The following GPC2 variants were observed in gnomAD, a reference collection of about 807,000 sequenced individuals.
GPC2 encodes the protein glypican-2.
Under a neutral mutation model 57.3 loss-of-function variants are expected in GPC2, and 42 were observed. The ratio of observed to expected loss-of-function variants is 0.73; its 90% confidence interval spans 0.57 to 0.95. The LOEUF (loss-of-function observed/expected upper bound fraction) is 0.95. Ranked by LOEUF, GPC2 falls within the 40% of genes least tolerant of loss-of-function variation. The pLI, the probability that GPC2 is intolerant of heterozygous loss-of-function variation, is 0.00. For missense variants in GPC2, 745 were observed against 793.6 expected, an observed-to-expected ratio of 0.94 and a Z score of 0.74; for synonymous variants, 364 against 343.4, an observed-to-expected ratio of 1.06 and a Z score of -0.66.
In GPC2 at chr7:100,171,384, CG is replaced by C. The variant is rs1199454827; in HGVS notation, c.1362del (p.Glu455SerfsTer27). Reference protein sequence around the residue: ...GGSPAEQVNNPELKVDASGPD... With the variant: ...GGSPAEQVNNXELKVDASGPD... ...GGGCCCGAGGCGTCCACCTTGAGCTCGGGGTTGTTGACCTGCTCGGCCGGGG... is the reference window on the plus strand; with the variant it reads ...GGGCCCGAGGCGTCCACCTTGAGCTCGGGTTGTTGACCTGCTCGGCCGGGG... On this transcript the variant is annotated frameshift_variant, in exon 9 of 10. Transcript: ENST00000292377. LOFTEE classifies it high-confidence loss of function. This position sits in a 1 kb window ranked among gnomAD's most constrained non-coding sequence, Gnocchi z 4.8. 1 of 1,535,210 alleles carries C rather than the reference CG, an allele frequency of 6.5e-7. No homozygotes were observed. Among genetic ancestry groups the C allele is most frequent in the Non-Finnish European group, 8.8e-7 (1 of 1,141,774 alleles).
At position 100,177,299 on chromosome 7, in the gene GPC2, G is replaced by C. The variant is rs1215025873; in HGVS notation, c.-100C>G. 2 of 1,027,916 alleles carry C rather than the reference G, an allele frequency of 1.9e-6. No homozygotes were observed. Among genetic ancestry groups the C allele is most frequent in the Non-Finnish European group, 1.4e-6 (1 of 725,076 alleles). The allele number at this position is 1,027,916 out of a possible 1,614,324, so 63.7% of individuals were successfully genotyped here. ...ACTCGGCCGCGGGACCGCTCCGCGG[G>C]CCAGAGAAAGAGCGCTGCTCCGGAA... On this transcript the variant is annotated 5_prime_UTR_variant, in exon 1 of 10. Coordinates refer to ENST00000292377, the MANE Select transcript of GPC2 (RefSeq NM_152742.3).
chr7:100,172,228 G>A lies in GPC2; in HGVS notation c.893-11C>T, dbSNP rs1799192029. The A allele has an allele frequency of 6.2e-7, 1 of 1,613,540 alleles. No homozygotes were observed. The highest frequency in any genetic ancestry group is 8.5e-7 in the Non-Finnish European group (1 of 1,179,810). On this transcript the variant is annotated splice_polypyrimidine_tract_variant and intron_variant, in intron 5 of 9. Transcript: ENST00000292377. ...GGATCAGGAGACCATCTTAAGGGAG[G>A]GAGAGAAAGAGAAAGGATGGGATGA...
intron 2 of GPC2, 85 bp from the exon 3 acceptor site, chr7:100,175,979 G>T: frequency 8.7e-7 from 1 of 1,145,248 alleles, no homozygotes. Flanking sequence ...AGGAGGAGAT[G>T]GGAGAGAAGA....
At position 100,171,755 on chromosome 7, in the gene GPC2, C is replaced by A; in HGVS notation, c.1170+24G>T. 1 of 1,521,154 alleles carries A rather than the reference C, an allele frequency of 6.6e-7. No individual in the cohort carries two copies. The highest frequency in any genetic ancestry group is 2.6e-5 in the East Asian group (1 of 39,024). 94.2% of individuals were successfully genotyped at this position (1,521,154 alleles called of 1,614,324 possible). ...TCCCCGGCCCCGGGCCCCCCCGCCCCCAACTCTTGGTCATCCCACGCACCA... is the reference window on the plus strand; with the variant it reads ...TCCCCGGCCCCGGGCCCCCCCGCCCACAACTCTTGGTCATCCCACGCACCA... On this transcript the variant is annotated intron_variant, in intron 7 of 9. Transcript: ENST00000292377. This position sits in a 1 kb window ranked among gnomAD's most constrained non-coding sequence, Gnocchi z 4.8.
chr7:100,172,249 G>T (rs757070228), intron 5 of GPC2, 32 bp from the exon 6 acceptor site: 264 of 1,609,080 alleles, frequency 1.6e-4, no homozygotes, highest in Non-Finnish European at 2.2e-4. Flanking sequence ...GAAAGGATGG[G>T]ATGAGTGGTG....
Position 100,175,809 on chromosome 7 carries a change from G to A in GPC2, c.411C>T (p.His137=), listed in dbSNP as rs149507023. ...AGAACAGGCCATTGAATATGAGGGC[G>A]TGCTGGGCATACAGGCGGCCGTAGG... ...SHSYGRLYAQ[H]ALIFNGLFSR... is the part of the protein sequence containing the mutation. The change falls in exon 3 of 10, where the codon CAC becomes CAT. Residue 137 remains histidine (H), a synonymous_variant. Transcript: ENST00000292377. 1.3e-4 allele frequency: 202 copies of A among 1,614,034 alleles called. No homozygotes were observed. In the African/African-American group the frequency reaches 1.9e-3, roughly 16 times the overall value.
At position 100,173,929 on chromosome 7, in the gene GPC2, G is replaced by C; in HGVS notation, c.798C>G (p.Val266=). 6.2e-7 allele frequency: 1 copy of C among 1,604,942 alleles called. No homozygotes were observed. The highest frequency in any genetic ancestry group is 1.7e-5 in the Admixed American group (1 of 59,044). The change falls in exon 5 of 10, where the codon GTC becomes GTG. Residue 266 remains valine (V), a synonymous_variant. Transcript: ENST00000292377. Reference sequence around the variant, plus strand: ...AGCCCTGGCAGGGCATAAGTGAGGGGACCCCCCGGCACAGGGGACAGCCGA... The same window carrying C: ...AGCCCTGGCAGGGCATAAGTGAGGGCACCCCCCGGCACAGGGGACAGCCGA... ...RLIGCPLCRG[V]PSLMPCQGFC... is the part of the protein sequence containing the mutation.
rs1006717280 is a variant in GPC2 at position 100,176,427 on chromosome 7, C to G, written c.167-62G>C. 3 of 1,504,840 alleles carry G rather than the reference C, an allele frequency of 2.0e-6. No homozygotes were observed. In the Admixed American group the frequency reaches 5.4e-5, roughly 27 times the overall value. The allele number at this position is 1,504,840 out of a possible 1,614,324, so 93.2% of individuals were successfully genotyped here. ...ATATCCTAAAATCCCTTCCATTTCCCGCCTATCTCTGGGGACTATGCCTTC... is the reference window on the plus strand; with the variant it reads ...ATATCCTAAAATCCCTTCCATTTCCGGCCTATCTCTGGGGACTATGCCTTC... On this transcript the variant is annotated intron_variant, in intron 1 of 9. Transcript: ENST00000292377.
In GPC2 at chr7:100,171,809, C is replaced by T; in HGVS notation, c.1140G>A (p.Thr380=). The part of the protein sequence containing the change: ...WSMVTEEERP[T]TAAGTNLHRL... ...GGTGCAGGTTGGTGCCTGCGGCCGT[C>T]GTGGGCCGCTCCTCCTCGGTCACCA... The change falls in exon 7 of 10, where the codon ACG becomes ACA. Residue 380 remains threonine (T), a synonymous_variant. Coordinates refer to ENST00000292377, the MANE Select transcript of GPC2 (RefSeq NM_152742.3). The surrounding 1 kb of genome is among the most constrained non-coding windows in gnomAD (Gnocchi z 4.8). The T allele has an allele frequency of 3.2e-6, 5 of 1,575,510 alleles. No individual in the cohort carries two copies. Among genetic ancestry groups the T allele is most frequent in the Non-Finnish European group, 4.3e-6 (5 of 1,169,496 alleles).
chr7:100,171,861 C>G lies in GPC2; in HGVS notation c.1088G>C (p.Arg363Pro), dbSNP rs776341060. Residue 363 changes from arginine (R) to proline (P), a missense_variant, in exon 7 of 10, where the codon CGG becomes CCG. By Grantham distance (103) the Arg-to-Pro change is moderately radical. Coordinates refer to ENST00000292377, the MANE Select transcript of GPC2 (RefSeq NM_152742.3). The surrounding 1 kb of genome is among the most constrained non-coding windows in gnomAD (Gnocchi z 4.8). ...PARNRRAPPP[R>P]EEAGRLWSMV... is the part of the protein sequence containing the mutation. Reference sequence around the variant, plus strand: ...CGACCACAGCCGGCCCGCCTCTTCCCGGGGCGGCGGGGCTCGACGGTTGCG... The same window carrying G: ...CGACCACAGCCGGCCCGCCTCTTCCGGGGGCGGCGGGGCTCGACGGTTGCG... 4.6e-5 allele frequency: 71 copies of G among 1,536,272 alleles called. 1 individual carries two copies. The East Asian group carries it at 1.1e-3, about 25-fold the overall frequency.
chr7:100,174,608 T>C, intron 4 of GPC2, 77 bp downstream of exon 4: 1 of 1,059,288 alleles, frequency 9.4e-7, no homozygotes, highest in Non-Finnish European at 1.5e-6. Flanking sequence ...GGCTGGTGGC[T>C]GTTTCTTCCT....
At chr7:100,174,530 C>T in intron 4 of GPC2, 155 bp downstream of exon 4, 1 of 706,000 alleles carries the variant, frequency 1.4e-6, no homozygotes, top group Non-Finnish European at 2.6e-6. Context: ...CACTCCAGCC[C>T]CCTCCTTCCT....
chr7:100,171,080 AC>A lies in GPC2; in HGVS notation c.1486+180del. 2 of 549,776 alleles carry A rather than the reference AC, an allele frequency of 3.6e-6. No homozygotes were observed. The highest frequency in any genetic ancestry group is 6.2e-6 in the Non-Finnish European group (2 of 324,312). The allele number at this position is 549,776 out of a possible 1,614,324, so 34.1% of individuals were successfully genotyped here. On this transcript the variant is annotated intron_variant, in intron 9 of 9. Coordinates refer to ENST00000292377, the MANE Select transcript of GPC2 (RefSeq NM_152742.3). This position sits in a 1 kb window ranked among gnomAD's most constrained non-coding sequence, Gnocchi z 4.8. ...CCCCTACTGGCCTGAAAGGATACAGACCCCCTCATTGATCTGTTACCCCCAG... is the reference window on the plus strand; with the variant it reads ...CCCCTACTGGCCTGAAAGGATACAGACCCCTCATTGATCTGTTACCCCCAG...
rs1021825264 is a variant in GPC2, at chr7:100,177,361, A to G, written c.-162T>C. 6 of 580,738 alleles carry G rather than the reference A, an allele frequency of 1.0e-5. No individual in the cohort carries two copies. The South Asian group carries it at 1.2e-4, about 12-fold the overall frequency. The allele number at this position is 580,738 out of a possible 1,614,324, so 36.0% of individuals were successfully genotyped here. ...GAGCACGATAGCTGGACCAGGCGGC[A>G]TCTGCCGAGACAATGGGAGCGGGGA... On this transcript the variant is annotated 5_prime_UTR_variant, in exon 1 of 10. It removes an upstream start codon present in the reference 5' UTR. Coordinates refer to ENST00000292377, the MANE Select transcript of GPC2 (RefSeq NM_152742.3).
intron 4 of GPC2, chr7:100,174,241 T>C: frequency 1.9e-6 from 1 of 518,386 alleles, no homozygotes; most frequent in Non-Finnish European, 3.4e-6. Context: ...AGGACAAGAG[T>C]GAGCCCATCA....
rs1215025873 is a variant in GPC2, at chr7:100,177,299, G to A, written c.-100C>T. On this transcript the variant is annotated 5_prime_UTR_variant, in exon 1 of 10. Coordinates refer to ENST00000292377, the MANE Select transcript of GPC2 (RefSeq NM_152742.3). ...ACTCGGCCGCGGGACCGCTCCGCGGGCCAGAGAAAGAGCGCTGCTCCGGAA... is the reference window on the plus strand; with the variant it reads ...ACTCGGCCGCGGGACCGCTCCGCGGACCAGAGAAAGAGCGCTGCTCCGGAA... 5 of 1,028,040 alleles carry A rather than the reference G, an allele frequency of 4.9e-6. No individual in the cohort carries two copies. In the South Asian group the frequency reaches 5.4e-5, roughly 11 times the overall value. 63.7% of individuals were successfully genotyped at this position (1,028,040 alleles called of 1,614,324 possible). A position where few individuals can be genotyped will look rare whatever the true frequency, so the allele number is the denominator to read the frequency against.
Position 100,176,380 on chromosome 7 carries a change from C to A in GPC2, c.167-15G>T. The A allele has an allele frequency of 6.2e-7, 1 of 1,607,884 alleles. No homozygotes were observed. The highest frequency in any genetic ancestry group is 8.5e-7 in the Non-Finnish European group (1 of 1,176,794). ...GAGGTGCTCACCTGGACAGAGGAGACGTGAAGGAATGGTGGGAAGTGATAT... is the reference window on the plus strand; with the variant it reads ...GAGGTGCTCACCTGGACAGAGGAGAAGTGAAGGAATGGTGGGAAGTGATAT... On this transcript the variant is annotated splice_polypyrimidine_tract_variant and intron_variant, in intron 1 of 9. Coordinates refer to ENST00000292377, the MANE Select transcript of GPC2 (RefSeq NM_152742.3).
chr7:100,171,217 A>G lies in GPC2; in HGVS notation c.1486+44T>C. On this transcript the variant is annotated intron_variant, in intron 9 of 9. Coordinates refer to ENST00000292377, the MANE Select transcript of GPC2 (RefSeq NM_152742.3). The surrounding 1 kb of genome is among the most constrained non-coding windows in gnomAD (Gnocchi z 4.8). ...ACTACCAGGAGAGGGGAGAGGCTTC[A>G]GGGCAGTGGGCGGGGCTCAGGCTCA... is the stretch of plus-strand genomic sequence containing the variant. The G allele has an allele frequency of 6.8e-7, 1 of 1,480,246 alleles. No homozygotes were observed. The allele number at this position is 1,480,246 out of a possible 1,614,324, so 91.7% of individuals were successfully genotyped here. A position where few individuals can be genotyped will look rare whatever the true frequency, so the allele number is the denominator to read the frequency against.
Position 100,172,150 on chromosome 7 carries a change from A to C in GPC2, c.960T>G (p.Ile320Met), listed in dbSNP as rs1307357427. 6.2e-7 allele frequency: 1 copy of C among 1,613,828 alleles called. No homozygotes were observed. Among genetic ancestry groups the C allele is most frequent in the South Asian group, 1.1e-5 (1 of 91,058 alleles). ...TCAAACCCTCCGAGATCTTCACCCC[A>C]ATGGACTCGGCCGTCAGCTCAAAGG... ...PFSFELTAES[I>M]GVKISEGLMY... The change falls in exon 6 of 10, where the codon ATT becomes ATG. Residue 320 changes from isoleucine to methionine, a missense_variant. By Grantham distance (10) the Ile-to-Met change is conservative (BLOSUM62 1). Coordinates refer to ENST00000292377, the MANE Select transcript of GPC2 (RefSeq NM_152742.3).
Sources: allele counts gnomAD v4.1 joint callset, GRCh38; gene constraint gnomAD v4.1.1; non-coding constraint Gnocchi (gnomAD v3.1); transcripts MANE v1.5; gene names NCBI Gene and HGNC (gene_info 2026-07-23, HGNC 2026-07-21).